The following ESCO2 variants were observed in gnomAD, a reference collection of about 807,000 sequenced individuals.
ESCO2 encodes N-acetyltransferase ESCO2.
In ESCO2, 51 loss-of-function variants were observed where a neutral mutation model predicts 61.7. The observed-to-expected ratio is 0.83, with a 90% confidence interval of 0.66 to 1.04. The LOEUF is 1.04. Among genes scored for constraint, ESCO2 ranks in the 50% least tolerant of loss-of-function variants. The pLI is 0.00. For missense variants in ESCO2, 692 were observed against 686.2 expected (o/e 1.01, Z -0.09); for synonymous variants, 230 against 238.2 (o/e 0.97, Z 0.32).
At chr8:27,802,142 T>A (rs543092619) in intron 10 of ESCO2, among the ~76,000 whole-genome samples, 1,188 of 107,532 alleles carry the variant, frequency 0.011, 14 homozygotes, top group African/African-American at 0.045. Flanking sequence ...TGATTAATTC[T>A]TTTTTTTTTT....
upstream of ESCO2, chr8:27,772,446 G>C: frequency 6.7e-7 from 1 of 1,483,532 alleles, no homozygotes; most frequent in Non-Finnish European, 9.2e-7. Context: ...GCGCAGCGGC[G>C]GACTGCGGGT....
At chr8:27,810,153 T>G (rs533243892), downstream of ESCO2, 15 of 614,120 alleles carry the variant, frequency 2.4e-5, no homozygotes, top group Non-Finnish European at 1.7e-5. Flanking sequence ...TATAAGCATA[T>G]TTCATATTAG....
At chr8:27,772,623 C>T, upstream of ESCO2, 1 of 1,422,044 alleles carries the variant, frequency 7.0e-7, no homozygotes, top group Non-Finnish European at 9.6e-7. Context: ...TCGCGGCGGC[C>T]GCCTGGCCCC....
upstream of ESCO2, chr8:27,772,388 G>C (rs577493771): frequency 7.7e-6 from 7 of 906,070 alleles, no homozygotes; most frequent in Admixed American, 8.6e-5. Flanking sequence ...CCGAGAGGCC[G>C]CGGGAAGAGG....
intron 3 of ESCO2, chr8:27,778,475 G>A (rs1045761364): frequency 6.6e-6 from 1 of 152,168 alleles, no homozygotes; most frequent in African/African-American, 2.4e-5. Context: ...TTGATTACAA[G>A]AGTAAGCTTT....
chr8:27,775,184 C>T (rs1202946284), intron 1 of ESCO2, among the ~76,000 whole-genome samples: 1 of 152,170 alleles, frequency 6.6e-6, no homozygotes, highest in Non-Finnish European at 1.5e-5. Flanking sequence ...AGGAAAATGG[C>T]AGAGGACTGT....
chr8:27,795,704 A>G (rs1371454960), intron 9 of ESCO2, among the ~76,000 whole-genome samples: 1 of 152,054 alleles, frequency 6.6e-6, no homozygotes, highest in Non-Finnish European at 1.5e-5. Context: ...ATTTGTTGAG[A>G]GTTCTTATCA....
chr8:27,791,335 T>C (rs1327192672), intron 7 of ESCO2, among the ~76,000 whole-genome samples: 1 of 152,224 alleles, frequency 6.6e-6, no homozygotes, highest in Non-Finnish European at 1.5e-5. Flanking sequence ...TGCCATTCTC[T>C]GCACCTTTGC....
At chr8:27,783,813 G>A (rs1373991350) in intron 4 of ESCO2, among the ~76,000 whole-genome samples, 187 bp from the exon 5 acceptor site, 1 of 152,054 alleles carries the variant, frequency 6.6e-6, no homozygotes, top group African/African-American at 2.4e-5. Context: ...TAATTTTTTT[G>A]CATGTGGACA....
rs139948556 is a variant in ESCO2, at chr8:27,794,035, C to T, written c.1497+1224C>T. Reference sequence around the variant, plus strand: ...TGACTGATTTCACTTAGCATGATGTCCTCCAGGTTCATTCATGTTGTTGCA... The same window carrying T: ...TGACTGATTTCACTTAGCATGATGTTCTCCAGGTTCATTCATGTTGTTGCA... On this transcript the variant is annotated intron_variant, in intron 9 of 10. Coordinates refer to ENST00000305188, the MANE Select transcript of ESCO2 (RefSeq NM_001017420.3). 2.9e-4 allele frequency among the ~76,000 whole-genome samples: 44 copies of T among 152,026 alleles called. No individual in the cohort carries two copies. The East Asian group carries it at 7.3e-3, about 25-fold the overall frequency.
chr8:27,778,762 C>T (rs1804857575), intron 3 of ESCO2: 1 of 152,136 alleles, frequency 6.6e-6, no homozygotes, highest in Non-Finnish European at 1.5e-5. Flanking sequence ...TTCTTAGCTT[C>T]ACTTTACGGG....
At chr8:27,814,932 A>G (rs10503816), downstream of ESCO2, among the ~76,000 whole-genome samples, 16,894 of 152,234 alleles carry the variant, frequency 0.11, 1,145 homozygotes, top group East Asian at 0.34. Context: ...AAACTCTTAC[A>G]GACAGAATAT....
At chr8:27,787,674 G>A (rs941345186) in intron 5 of ESCO2, among the ~76,000 whole-genome samples, 1 of 152,166 alleles carries the variant, frequency 6.6e-6, no homozygotes, top group Admixed American at 6.5e-5. Context: ...TGTTAACACT[G>A]CCATTTACTA....
chr8:27,787,328 G>GTT (rs74373717), intron 5 of ESCO2, among the ~76,000 whole-genome samples: 2 of 145,136 alleles, frequency 1.4e-5, no homozygotes, highest in Non-Finnish European at 3.0e-5. Flanking sequence ...ATATGTTTTT[G>GTT]TTTTTTTTTT....
At chr8:27,801,346 T>C (rs1278646368) in intron 10 of ESCO2, among the ~76,000 whole-genome samples, 1 of 152,188 alleles carries the variant, frequency 6.6e-6, no homozygotes, top group East Asian at 1.9e-4. Flanking sequence ...CACTTTGGAA[T>C]AGTGTTATTC....
At chr8:27,782,292 C>G (rs749511536) in intron 4 of ESCO2, among the ~76,000 whole-genome samples, 13 of 152,040 alleles carry the variant, frequency 8.6e-5, no homozygotes, top group Non-Finnish European at 1.3e-4. Flanking sequence ...GAGACAGAGG[C>G]TCACTCTCAC....
intron 2 of ESCO2, 115 bp from the exon 3 acceptor site, chr8:27,776,246 TG>T (rs750402872): frequency 9.2e-6 from 7 of 762,906 alleles, no homozygotes; most frequent in South Asian, 3.4e-5. Flanking sequence ...ATTGTGTGTA[TG>T]GGGGGTACAT....
chr8:27,775,902 TAC>T (rs1379840530), intron 2 of ESCO2, among the ~76,000 whole-genome samples: 4 of 152,220 alleles, frequency 2.6e-5, no homozygotes, highest in African/African-American at 9.6e-5. Flanking sequence ...TATAATATTT[TAC>T]AGTGTTTTGC....
chr8:27,777,962 G>C (rs1034848881), intron 3 of ESCO2: 1 of 151,460 alleles, frequency 6.6e-6, no homozygotes, highest in African/African-American at 2.4e-5. Context: ...CATATCTCTC[G>C]TAATCACCTA....
Sources: gnomAD v4.1 joint callset for allele counts (sites outside exome capture counted in the v4.1 genomes callset) on GRCh38, gnomAD v4.1.1 for gene constraint, MANE v1.5 for transcripts, NCBI Gene and HGNC (gene_info 2026-07-23, HGNC 2026-07-21) for gene names.